The following KAT2B variants were observed in gnomAD, a reference collection of about 807,000 sequenced individuals.
KAT2B encodes the protein lysine acetyltransferase 2B.
In KAT2B, 36 loss-of-function variants were observed where a neutral mutation model predicts 105.9. The observed-to-expected ratio is 0.34, with a 90% CI of 0.26 to 0.45. KAT2B has a LOEUF of 0.45. KAT2B is among the 20% of genes least tolerant of loss of function. KAT2B has a pLI of 1.00. For missense variants in KAT2B, 820 were observed against 1,021.6 expected (o/e 0.80, Z 2.69); for synonymous variants, 397 against 377.9 (o/e 1.05, Z -0.59).
Position 20,040,678 on chromosome 3 carries a change from G to T in KAT2B, c.201G>T (p.Pro67=). Reference sequence around the variant, plus strand: ...CTGCAGCGGGCACGGCCGAAGGACCGGGAGGCGGTGGCTCGGCCCGAATCG... The same window carrying T: ...CTGCAGCGGGCACGGCCGAAGGACCTGGAGGCGGTGGCTCGGCCCGAATCG... ...AVAAAGTAEG[P]GGGGSARIAV... The change falls in exon 1 of 18, where the codon CCG becomes CCT. Residue 67 remains proline, a synonymous_variant. Coordinates refer to ENST00000263754, the MANE Select transcript of KAT2B (RefSeq NM_003884.5). 3 of 1,562,576 alleles carry T rather than the reference G, an allele frequency of 1.9e-6. No homozygotes were observed. The highest frequency in any genetic ancestry group is 8.6e-7 in the Non-Finnish European group (1 of 1,159,990).
At chr3:20,135,960 A>G (rs897057212) in intron 11 of KAT2B, among the ~76,000 whole-genome samples, 1 of 152,206 alleles carries the variant, frequency 6.6e-6, no homozygotes, top group African/African-American at 2.4e-5. Flanking sequence ...TCTCACCACC[A>G]AGGAATTGGC....
intron 1 of KAT2B, among the ~76,000 whole-genome samples, chr3:20,049,649 C>T (rs1371167916): frequency 6.6e-6 from 1 of 152,078 alleles, no homozygotes; most frequent in Admixed American, 6.5e-5. Flanking sequence ...TATTGTACTC[C>T]AATTGAGAGG....
intron 1 of KAT2B, among the ~76,000 whole-genome samples, chr3:20,057,516 C>G (rs1698021784): frequency 6.6e-6 from 1 of 152,210 alleles, no homozygotes; most frequent in Non-Finnish European, 1.5e-5. Context: ...GTTGTCTGAA[C>G]TGCTCAATGT....
At chr3:20,141,387 G>C (rs1281843070) in intron 13 of KAT2B, among the ~76,000 whole-genome samples, 1 of 151,926 alleles carries the variant, frequency 6.6e-6, no homozygotes, top group Non-Finnish European at 1.5e-5. Flanking sequence ...AAACACTCAT[G>C]ATGAAAAGAA....
chr3:20,125,336 A>G (rs911391844), intron 9 of KAT2B, among the ~76,000 whole-genome samples: 2 of 151,318 alleles, frequency 1.3e-5, no homozygotes, highest in Non-Finnish European at 2.9e-5. Flanking sequence ...GAATATATAC[A>G]TGAGTGCTAC....
chr3:20,118,229 A>G (rs912549697), intron 7 of KAT2B, among the ~76,000 whole-genome samples: 3 of 146,472 alleles, frequency 2.0e-5, no homozygotes, highest in Admixed American at 6.9e-5. Flanking sequence ...ATATGTAAAT[A>G]TGTAAATATA....
rs1699506281 is a variant in KAT2B, at chr3:20,131,214, T to G, written c.1749+3665T>G. The stretch of plus-strand genomic sequence containing the variant: ...TATTTTTAACAGAAATGGTGTTTCA[T>G]CACGTTGGCCAGGCTGGTCTCAAAC... On this transcript the variant is annotated intron_variant, in intron 11 of 17. Transcript: ENST00000263754. Among the ~76,000 whole-genome samples the G allele has an allele frequency of 2.6e-5, 4 of 151,946 alleles. No homozygotes were observed. In the South Asian group the frequency reaches 8.3e-4, roughly 32 times the overall value.
At chr3:20,130,066 C>T (rs1252065013) in intron 11 of KAT2B, among the ~76,000 whole-genome samples, 1 of 152,136 alleles carries the variant, frequency 6.6e-6, no homozygotes, top group Non-Finnish European at 1.5e-5. Flanking sequence ...CAACCTCCGC[C>T]TCCTGGGTTC....
chr3:20,131,886 T>C (rs1699517055), intron 11 of KAT2B, among the ~76,000 whole-genome samples: 2 of 152,246 alleles, frequency 1.3e-5, no homozygotes, highest in South Asian at 4.1e-4. Context: ...TTTAAGTATT[T>C]ATTTACTATA....
intron 1 of KAT2B, among the ~76,000 whole-genome samples, chr3:20,041,550 C>G (rs1697719780): frequency 6.6e-6 from 1 of 152,228 alleles, no homozygotes; most frequent in African/African-American, 2.4e-5. Context: ...TTTAGGCACC[C>G]TGTCACCTCC....
chr3:20,120,229 T>C (rs1319924854), intron 8 of KAT2B, among the ~76,000 whole-genome samples: 1 of 152,088 alleles, frequency 6.6e-6, no homozygotes, highest in Non-Finnish European at 1.5e-5. Context: ...TTTTTTCCTT[T>C]TCTTTTCTTT....
intron 2 of KAT2B, among the ~76,000 whole-genome samples, chr3:20,089,587 A>G (rs975759168): frequency 2.6e-5 from 4 of 151,874 alleles, no homozygotes; most frequent in Admixed American, 1.3e-4. Flanking sequence ...TCTTTAGTGG[A>G]GATGGGTTTT....
intron 2 of KAT2B, among the ~76,000 whole-genome samples, chr3:20,094,288 C>T (rs895561210): frequency 6.6e-6 from 1 of 151,984 alleles, no homozygotes; most frequent in African/African-American, 2.4e-5. Flanking sequence ...GAGGGACCTG[C>T]CAAACACTTT....
At chr3:20,068,324 A>G (rs1239449864) in intron 1 of KAT2B, among the ~76,000 whole-genome samples, 3 of 151,118 alleles carry the variant, frequency 2.0e-5, no homozygotes, top group Non-Finnish European at 4.4e-5. Flanking sequence ...ACACGTCTTT[A>G]CCCACTGCGC....
Position 20,152,809 on chromosome 3 carries a change from G to C in KAT2B, c.*284G>C, listed in dbSNP as rs887317759. 3 of 198,324 alleles carry C rather than the reference G, an allele frequency of 1.5e-5. No individual in the cohort carries two copies. 12.3% of individuals were successfully genotyped at this position (198,324 alleles called of 1,614,324 possible). The stretch of plus-strand genomic sequence containing the variant: ...TAGCTATTTCATGATAGATGATTAG[G>C]GGTTTCCTCAAAACCTGTGTGTGAG... On this transcript the variant is annotated 3_prime_UTR_variant, in exon 18 of 18. Coordinates refer to ENST00000263754, the MANE Select transcript of KAT2B (RefSeq NM_003884.5).
intron 1 of KAT2B, among the ~76,000 whole-genome samples, chr3:20,060,732 G>C (rs572019301): frequency 6.6e-6 from 1 of 152,064 alleles, no homozygotes; most frequent in African/African-American, 2.4e-5. Context: ...TGAGACCAGC[G>C]TGAGTAACAT....
At chr3:20,128,577 T>C (rs974766176) in intron 11 of KAT2B, among the ~76,000 whole-genome samples, 14 of 152,210 alleles carry the variant, frequency 9.2e-5, no homozygotes, top group Non-Finnish European at 1.0e-4. Context: ...CCATGTTTTA[T>C]TGGTATTGCA....
intron 2 of KAT2B, among the ~76,000 whole-genome samples, chr3:20,081,434 C>T (rs534796402): frequency 6.6e-6 from 1 of 152,144 alleles, no homozygotes; most frequent in African/African-American, 2.4e-5. Flanking sequence ...CTCTCTGGCA[C>T]CCTGGGTGTT....
chr3:20,042,420 A>G (rs1393761392), intron 1 of KAT2B, among the ~76,000 whole-genome samples: 1 of 152,200 alleles, frequency 6.6e-6, no homozygotes, highest in Non-Finnish European at 1.5e-5. Flanking sequence ...CGAGCTATGT[A>G]CAGAATTAAG....
Sources: allele counts gnomAD v4.1 joint callset (sites outside exome capture counted in the v4.1 genomes callset), GRCh38; gene constraint gnomAD v4.1.1; transcripts MANE v1.5; gene names NCBI Gene and HGNC (gene_info 2026-07-23, HGNC 2026-07-21).